GLO1: variants seen among roughly 807,000 people sequenced by gnomAD.
GLO1 encodes the protein lactoylglutathione lyase.
A neutral mutation model predicts 26.0 loss-of-function variants in GLO1; 28 were observed. The ratio of observed to expected loss-of-function variants is 1.08; its 90% CI spans 0.80 to 1.48. The LOEUF (loss-of-function observed/expected upper bound fraction) is 1.48, where lower values mean the gene tolerates loss of function less well. Ranked by LOEUF, GLO1 falls within the 40% of genes most tolerant of loss-of-function variation. The pLI is 0.00. For missense variants in GLO1, 225 were observed against 224.8 expected, an observed-to-expected ratio of 1.00 and a Z score of -0.01; for synonymous variants, 78 against 77.6, an observed-to-expected ratio of 1.00 and a Z score of -0.03.
rs1761247798 is a variant in GLO1 at position 38,676,640 on chromosome 6, G to A, written c.*655C>T. 6.6e-6 allele frequency: 1 copy of A among 152,172 alleles called. No individual in the cohort carries two copies. Among genetic ancestry groups the A allele is most frequent in the Admixed American group, 6.5e-5 (1 of 15,272 alleles). The allele number at this position is 152,172 out of a possible 1,614,324, so 9.4% of individuals were successfully genotyped here. On this transcript the variant is annotated 3_prime_UTR_variant, in exon 6 of 6. Transcript: ENST00000373365. The stretch of plus-strand genomic sequence containing the variant: ...TTTCTTTCTCACATGACAGCTGGGA[G>A]TATTAAATGAGATAAAGTTGCAGCC...
chr6:38,677,372 C>CTTTCATTTTACCTGTAAAATGAAAAT lies in GLO1; in HGVS notation c.467-15_477dup (p.Gly160IlefsTer8). On this transcript the variant is annotated stop_gained and frameshift_variant, in exon 6 of 6. Transcript: ENST00000373365. LOFTEE classifies it high-confidence loss of function. ...TCAGGATCTTGAATAAATGCCAGGC[C>CTTTCATTTTACCTGTAAAATGAAAAT]TTTCATTTTACCTGTAAAATGAAAA... 1 of 1,491,294 alleles carries CTTTCATTTTACCTGTAAAATGAAAAT rather than the reference C, an allele frequency of 6.7e-7. No individual in the cohort carries two copies. The highest frequency in any genetic ancestry group is 1.7e-5 in the Admixed American group (1 of 58,994). 92.4% of individuals were successfully genotyped at this position (1,491,294 alleles called of 1,614,324 possible). A position where few individuals can be genotyped will look rare whatever the true frequency, so the allele number is the denominator to read the frequency against.
rs141160784 is a variant in GLO1 at position 38,684,458 on chromosome 6, T to C, written c.224A>G (p.Tyr75Cys). Residue 75 changes from tyrosine (Y) to cysteine (C), a missense_variant, in exon 3 of 6, where the codon TAT (tyrosine) becomes TGT (cysteine). Physicochemically the swap from Tyr to Cys is radical, Grantham distance 194 (BLOSUM62 -2). Coordinates refer to ENST00000373365, the MANE Select transcript of GLO1 (RefSeq NM_006708.3). ...IMKFSLYFLA[Y>C]EDKNDIPKEK... ...TTTAGGGATGTCATTTTTATCCTCA[T>C]AAGCCAAGAAGTAGAGTGAAAACTT... is the stretch of plus-strand genomic sequence containing the variant. 6.4e-7 allele frequency: 1 copy of C among 1,572,988 alleles called. No homozygotes were observed. Among genetic ancestry groups the C allele is most frequent in the Non-Finnish European group, 8.6e-7 (1 of 1,157,638 alleles).
chr6:38,688,626 C>A (rs944534883), intron 1 of GLO1, among the ~76,000 whole-genome samples: 6 of 152,134 alleles, frequency 3.9e-5, no homozygotes, highest in African/African-American at 9.7e-5. Context: ...ATCTGTCAGG[C>A]CCGACCACAC....
chr6:38,692,906 CTATATATACT>C, intron 1 of GLO1, among the ~76,000 whole-genome samples: 1 of 150,096 alleles, frequency 6.7e-6, no homozygotes, highest in Non-Finnish European at 1.5e-5. Flanking sequence ...ATAATTCTTT[CTATATATACT>C]GTTGAATTCT....
chr6:38,678,431 A>AAAAGG (rs1350198305), intron 5 of GLO1, among the ~76,000 whole-genome samples: 6 of 137,248 alleles, frequency 4.4e-5, no homozygotes, highest in Non-Finnish European at 6.5e-5. Context: ...AAAAGAAAAG[A>AAAAGG]AAAGGAAAGA....
intron 5 of GLO1, among the ~76,000 whole-genome samples, chr6:38,677,791 A>G (rs1761282714): frequency 6.6e-6 from 1 of 152,190 alleles, no homozygotes; most frequent in African/African-American, 2.4e-5. Context: ...TTTAAATTTT[A>G]AAAATTCTTA....
intron 1 of GLO1, among the ~76,000 whole-genome samples, chr6:38,689,595 C>T (rs899830202): frequency 3.9e-5 from 6 of 152,272 alleles, no homozygotes; most frequent in African/African-American, 1.2e-4. Context: ...CATAGTCTAT[C>T]ATATCCTTAT....
In GLO1 at chr6:38,683,096, CAAT is replaced by C. The variant is rs1461752680; in HGVS notation, c.309-224_309-222del. ...AGTAAATACAGGTACTGGACAAGAA[CAAT>C]AATAAGAATAATAATAATGCTCATT... On this transcript the variant is annotated intron_variant, in intron 3 of 5. Coordinates refer to ENST00000373365, the MANE Select transcript of GLO1 (RefSeq NM_006708.3). 8.1e-6 allele frequency: 4 copies of C among 495,224 alleles called. No individual in the cohort carries two copies. In the East Asian group the frequency reaches 1.2e-4, roughly 15 times the overall value. 30.7% of individuals were successfully genotyped at this position (495,224 alleles called of 1,614,324 possible).
chr6:38,682,177 G>T, intron 4 of GLO1, 76 bp from the exon 5 acceptor site: 2 of 842,354 alleles, frequency 2.4e-6, no homozygotes, highest in Non-Finnish European at 2.1e-6. Context: ...ACCACAAGTA[G>T]ATTCCAAAAC....
chr6:38,677,564 C>T (rs971057936), intron 5 of GLO1, among the ~76,000 whole-genome samples, 181 bp from the exon 6 acceptor site: 5 of 152,072 alleles, frequency 3.3e-5, no homozygotes, highest in African/African-American at 1.2e-4. Context: ...GCGACAGGCA[C>T]GCACCACCTT....
intron 1 of GLO1, among the ~76,000 whole-genome samples, chr6:38,697,872 T>C (rs1761635501): frequency 6.6e-6 from 1 of 152,224 alleles, no homozygotes; most frequent in Admixed American, 6.5e-5. Flanking sequence ...ATTATCTCTT[T>C]GCTTTTCATA....
chr6:38,681,353 C>A (rs772069260), intron 5 of GLO1, among the ~76,000 whole-genome samples: 2 of 152,126 alleles, frequency 1.3e-5, no homozygotes, highest in Non-Finnish European at 2.9e-5. Flanking sequence ...TGAGCCACCA[C>A]GCCCAGCACT....
At chr6:38,692,514 CTA>C (rs1269587784) in intron 1 of GLO1, among the ~76,000 whole-genome samples, 1 of 152,052 alleles carries the variant, frequency 6.6e-6, no homozygotes, top group Non-Finnish European at 1.5e-5. Flanking sequence ...CCTTTCCAAC[CTA>C]TATGTCTCTT....
At chr6:38,693,706 TTTGTTTTG>T (rs1470964711) in intron 1 of GLO1, among the ~76,000 whole-genome samples, 3 of 147,526 alleles carry the variant, frequency 2.0e-5, no homozygotes, top group Non-Finnish European at 4.5e-5. Flanking sequence ...TATATATATA[TTTGTTTTG>T]TTTTGTTTTG....
At chr6:38,689,619 T>C (rs958320778) in intron 1 of GLO1, among the ~76,000 whole-genome samples, 1 of 152,182 alleles carries the variant, frequency 6.6e-6, no homozygotes, top group African/African-American at 2.4e-5. Context: ...ACAATCTTTC[T>C]GGAAAACAAC....
intron 1 of GLO1, among the ~76,000 whole-genome samples, chr6:38,695,133 T>G (rs1391601820): frequency 6.6e-6 from 1 of 152,194 alleles, no homozygotes; most frequent in Non-Finnish European, 1.5e-5. Flanking sequence ...TATTCATGTT[T>G]GTTTTCTGTT....
chr6:38,697,286 C>A (rs1262201608), intron 1 of GLO1, among the ~76,000 whole-genome samples: 3 of 152,176 alleles, frequency 2.0e-5, no homozygotes, highest in African/African-American at 7.2e-5. Context: ...ATACATGGTG[C>A]CAGTTTACTC....
At position 38,700,317 on chromosome 6, in the gene GLO1, C is replaced by T. The variant is rs1761679293; in HGVS notation, c.84+2654G>A. On this transcript the variant is annotated intron_variant, in intron 1 of 5. Coordinates refer to ENST00000373365, the MANE Select transcript of GLO1 (RefSeq NM_006708.3). ...CTATCAAGGCATAGGCCCATCACCA[C>T]CATCTTTTTGATGTGTGCCCTGATC... Among the ~76,000 whole-genome samples the T allele has an allele frequency of 4.6e-5, 7 of 152,238 alleles. No homozygotes were observed. In the South Asian group the frequency reaches 1.4e-3, roughly 32 times the overall value.
Position 38,703,056 on chromosome 6 carries a change from G to A in GLO1, c.-2C>T. The stretch of plus-strand genomic sequence containing the variant: ...GGACGGGGGCTGCGGTTCTGCCATG[G>A]CTGCGCTGCAGTATCACAGACGACG... On this transcript the variant is annotated 5_prime_UTR_variant, in exon 1 of 6. Coordinates refer to ENST00000373365, the MANE Select transcript of GLO1 (RefSeq NM_006708.3). 6.4e-7 allele frequency: 1 copy of A among 1,558,528 alleles called. No individual in the cohort carries two copies. Among genetic ancestry groups the A allele is most frequent in the East Asian group, 2.3e-5 (1 of 44,098 alleles).
Sources: allele counts gnomAD v4.1 joint callset (sites outside exome capture counted in the v4.1 genomes callset), GRCh38; gene constraint gnomAD v4.1.1; transcripts MANE v1.5; gene names NCBI Gene and HGNC (gene_info 2026-07-23, HGNC 2026-07-21).